The following ANTXR1 variants were observed in gnomAD, a reference collection of about 807,000 sequenced individuals.
The protein encoded by ANTXR1 is anthrax toxin receptor 1.
ANTXR1 carries 19 observed loss-of-function variants against 78.1 expected under a neutral mutation model. The observed-to-expected ratio is 0.24, with a 90% CI of 0.17 to 0.36. ANTXR1 has a LOEUF of 0.36. ANTXR1 is among the 10% of genes least tolerant of loss of function. The pLI is 1.00. For synonymous variants in ANTXR1, 273 were observed against 260.5 expected (o/e 1.05, Z -0.46); for missense variants, 518 against 718.6 (o/e 0.72, Z 3.19).
Position 69,245,421 on chromosome 2 carries a change from C to T in ANTXR1, c.1631C>T (p.Pro544Leu), listed in dbSNP as rs774746837. The change falls in exon 18 of 18, where the codon CCC (proline) becomes CTC (leucine). Residue 544 changes from proline (P) to leucine (L), a missense_variant. Pro to Leu is a moderately conservative substitution (Grantham distance 98, BLOSUM62 -3). Around this residue, in one of 5 missense-constraint regions of ANTXR1, gnomAD observed 192 missense variants for 230.2 expected, o/e 0.83. Coordinates refer to ENST00000303714, the MANE Select transcript of ANTXR1 (RefSeq NM_032208.3). ...PSPPSTLPPPPQAPPPNRAPP... is the reference protein window; with the variant it reads ...PSPPSTLPPPLQAPPPNRAPP... ...CCACCTTCCACCCTTCCCCCTCCTC[C>T]CCAGGCTCCACCTCCCAACAGGGCA... is the stretch of plus-strand genomic sequence containing the variant. 2.7e-5 allele frequency: 44 copies of T among 1,600,632 alleles called. No homozygotes were observed. Among genetic ancestry groups the T allele is most frequent in the Admixed American group, 1.9e-4 (11 of 58,662 alleles).
rs746803734 is a variant in ANTXR1 at position 69,249,022 on chromosome 2, AAG to A, written c.*3539_*3540del. ...CTTTCTTCTTTCTGTGATAATTCAG[AAG>A]ATAGTTATGGATCTTCAATGCCTCT... is the stretch of plus-strand genomic sequence containing the variant. On this transcript the variant is annotated 3_prime_UTR_variant, in exon 18 of 18. Transcript: ENST00000303714. 1 of 152,254 alleles carries A rather than the reference AAG, an allele frequency of 6.6e-6. No individual in the cohort carries two copies. The highest frequency in any genetic ancestry group is 1.5e-5 in the Non-Finnish European group (1 of 68,034). The allele number at this position is 152,254 out of a possible 1,614,324, so 9.4% of individuals were successfully genotyped here.
At chr2:69,145,933 T>C (rs2104421817) in intron 12 of ANTXR1, 1 of 985,716 alleles carries the variant, frequency 1.0e-6, no homozygotes, top group Non-Finnish European at 1.2e-6. Context: ...ATTATTGAAG[T>C]TCCAAATGTA....
rs73934655 is a variant in ANTXR1, at chr2:69,033,562, C to T, written c.153-6482C>T. ...ACAACAGCAAATGAATGCAGGGTCT[C>T]TGACAGCAGAATCAAGTGTGAGTCC... On this transcript the variant is annotated intron_variant, in intron 1 of 17. Transcript: ENST00000303714. 5.5e-3 allele frequency among the ~76,000 whole-genome samples: 832 copies of T among 152,314 alleles called. 8 individuals carry two copies. The highest frequency in any genetic ancestry group is 0.019 in the African/African-American group (804 of 41,572).
chr2:69,231,451 A>G (rs1387422812), intron 17 of ANTXR1, among the ~76,000 whole-genome samples: 6 of 152,212 alleles, frequency 3.9e-5, no homozygotes, highest in Non-Finnish European at 2.9e-5. Flanking sequence ...AGGGAAACCT[A>G]CAACTCATAC....
intron 6 of ANTXR1, 87 bp downstream of exon 6, chr2:69,073,188 G>A (rs1418098916): frequency 6.9e-6 from 8 of 1,161,598 alleles, no homozygotes; most frequent in Non-Finnish European, 1.0e-5. Context: ...CTATTCATGT[G>A]ATAGGTGTTC....
At chr2:69,140,349 C>G (rs1208129738) in intron 12 of ANTXR1, among the ~76,000 whole-genome samples, 1 of 152,234 alleles carries the variant, frequency 6.6e-6, no homozygotes, top group African/African-American at 2.4e-5. Context: ...TCTGCTCCTT[C>G]AACGGATTTG....
chr2:69,178,197 G>C (rs1674182844), intron 14 of ANTXR1, among the ~76,000 whole-genome samples: 1 of 152,108 alleles, frequency 6.6e-6, no homozygotes, highest in African/African-American at 2.4e-5. Flanking sequence ...GTCCATTTTT[G>C]GCCAAATGGA....
chr2:69,061,856 A>T (rs948161625), intron 3 of ANTXR1, among the ~76,000 whole-genome samples: 4 of 152,216 alleles, frequency 2.6e-5, no homozygotes, highest in African/African-American at 9.7e-5. Flanking sequence ...AGTCACAAAC[A>T]TTTAGAAAAG....
intron 14 of ANTXR1, among the ~76,000 whole-genome samples, chr2:69,170,615 A>T (rs1265004211): frequency 2.0e-5 from 3 of 152,194 alleles, no homozygotes; most frequent in Non-Finnish European, 4.4e-5. Flanking sequence ...CCTCTCAAAC[A>T]AACCCTAAGA....
chr2:69,233,569 T>A (rs1440016675), intron 17 of ANTXR1, among the ~76,000 whole-genome samples: 1 of 152,008 alleles, frequency 6.6e-6, no homozygotes, highest in African/African-American at 2.4e-5. Flanking sequence ...TTCCTTAACA[T>A]TAATAAAAAT....
chr2:69,226,130 C>T (rs1337695034), intron 17 of ANTXR1, among the ~76,000 whole-genome samples: 1 of 152,188 alleles, frequency 6.6e-6, no homozygotes, highest in Non-Finnish European at 1.5e-5. Context: ...GGGTTGGTAG[C>T]CATAGCTCGG....
chr2:69,174,282 G>C (rs1257365317), intron 14 of ANTXR1, among the ~76,000 whole-genome samples: 1 of 152,204 alleles, frequency 6.6e-6, no homozygotes, highest in African/African-American at 2.4e-5. Context: ...AACAACTCTA[G>C]AATGAGTGCT....
intron 17 of ANTXR1, among the ~76,000 whole-genome samples, chr2:69,210,935 C>CAAAA (rs1159790329): frequency 8.1e-4 from 35 of 43,196 alleles, no homozygotes; most frequent in African/African-American, 1.4e-3. Context: ...GACTCCATCA[C>CAAAA]AAAAAAAAAA....
rs1676001812 is a variant in ANTXR1, at chr2:69,245,494, G to T, written c.*9G>T. The T allele has an allele frequency of 1.2e-6, 2 of 1,608,474 alleles. No homozygotes were observed. The highest frequency in any genetic ancestry group is 1.3e-5 in the African/African-American group (1 of 74,478). The stretch of plus-strand genomic sequence containing the variant: ...CAAGGCCTTCTGTCTAGAGCCCAAA[G>T]TTCCTGCTCTGGGCTCTCTCAGAAA... On this transcript the variant is annotated 3_prime_UTR_variant, in exon 18 of 18. Transcript: ENST00000303714.
At chr2:69,156,790 C>G (rs187022091) in intron 13 of ANTXR1, among the ~76,000 whole-genome samples, 1 of 152,196 alleles carries the variant, frequency 6.6e-6, no homozygotes, top group African/African-American at 2.4e-5. Flanking sequence ...GAAACCCCAC[C>G]GCCATGATCC....
At chr2:69,069,492 A>G (rs1482589670) in intron 3 of ANTXR1, among the ~76,000 whole-genome samples, 1 of 152,222 alleles carries the variant, frequency 6.6e-6, no homozygotes, top group Non-Finnish European at 1.5e-5. Flanking sequence ...AGGTTCCCAG[A>G]CAGTGTTAGG....
chr2:69,065,077 A>G (rs1405990759), intron 3 of ANTXR1, among the ~76,000 whole-genome samples: 1 of 152,180 alleles, frequency 6.6e-6, no homozygotes, highest in Non-Finnish European at 1.5e-5. Context: ...ACAGAAAATC[A>G]CAAAGCTCAA....
At position 69,182,127 on chromosome 2, in the gene ANTXR1, G is replaced by A. The variant is rs148917987; in HGVS notation, c.1185+246G>A. The A allele has an allele frequency of 4.1e-3, 2,320 of 571,108 alleles. 24 individuals are homozygous for A. The highest frequency in any genetic ancestry group is 0.011 in the Middle Eastern group (23 of 2,118). 35.4% of individuals were successfully genotyped at this position (571,108 alleles called of 1,614,324 possible). ...TAGGAGGGACAGCCTTTCACTGTGC[G>A]TTTCCATGTCTTGCCCACCGTGAGT... On this transcript the variant is annotated intron_variant, in intron 15 of 17. Transcript: ENST00000303714.
Position 69,096,616 on chromosome 2 carries a change from A to C in ANTXR1, c.703+5697A>C, listed in dbSNP as rs1271580247. ...CTCAGAGGTTATAAACTGGCAGCCT[A>C]CAAGTCCTATCTGATCTGCATATAT... On this transcript the variant is annotated intron_variant, in intron 9 of 17. Coordinates refer to ENST00000303714, the MANE Select transcript of ANTXR1 (RefSeq NM_032208.3). 2.0e-5 allele frequency among the ~76,000 whole-genome samples: 3 copies of C among 152,056 alleles called. No homozygotes were observed. In the South Asian group the frequency reaches 6.2e-4, roughly 32 times the overall value.
Sources: allele counts gnomAD v4.1 joint callset (sites outside exome capture counted in the v4.1 genomes callset), GRCh38; gene constraint gnomAD v4.1.1; regional missense constraint gnomAD v4.1.1; transcripts MANE v1.5; gene names NCBI Gene and HGNC (gene_info 2026-07-23, HGNC 2026-07-21).